SCHIP1: variants seen among roughly 807,000 people sequenced by gnomAD.
SCHIP1 encodes the protein schwannomin interacting protein 1, also known as schwannomin-interacting protein 1.
In SCHIP1, 8 loss-of-function variants were observed where a neutral mutation model predicts 29.7. That is an observed-to-expected ratio of 0.27 (90% CI 0.16 to 0.49). The LOEUF (loss-of-function observed/expected upper bound fraction) is 0.49. Ranked by LOEUF, SCHIP1 falls within the 20% of genes least tolerant of loss-of-function variation. The pLI, the probability that SCHIP1 is intolerant of heterozygous loss-of-function variation, is 0.99. For missense variants in SCHIP1, 193 were observed against 294.6 expected, an observed-to-expected ratio of 0.66 and a Z score of 2.52; for synonymous variants, 76 against 94.9, an observed-to-expected ratio of 0.80 and a Z score of 1.16.
chr3:159,318,061 CT>C, the SCHIP1 span, among the ~76,000 whole-genome samples: 3 of 152,162 alleles, frequency 2.0e-5, no homozygotes, highest in Non-Finnish European at 4.4e-5. Context: ...GAAGTCCATG[CT>C]GCTGAGCCCA....
chr3:159,349,404 G>A, the SCHIP1 span, among the ~76,000 whole-genome samples: 1 of 152,132 alleles, frequency 6.6e-6, no homozygotes, highest in Non-Finnish European at 1.5e-5. Flanking sequence ...ATTTGAATTT[G>A]GCTCTGCCTC....
At chr3:159,431,714 C>A in the SCHIP1 span, among the ~76,000 whole-genome samples, 1 of 150,086 alleles carries the variant, frequency 6.7e-6, no homozygotes, top group African/African-American at 2.5e-5. Flanking sequence ...GAGGCTGAGA[C>A]AACAGAATCA....
At chr3:159,316,310 A>C in the SCHIP1 span, among the ~76,000 whole-genome samples, 979 of 152,282 alleles carry the variant, frequency 6.4e-3, 3 homozygotes, top group African/African-American at 0.022. Flanking sequence ...AAACTGAAGA[A>C]CTTGGAGTTT....
chr3:159,399,408 G>A, the SCHIP1 span, among the ~76,000 whole-genome samples: 1 of 152,120 alleles, frequency 6.6e-6, no homozygotes, highest in African/African-American at 2.4e-5. Context: ...AGGTCCATAT[G>A]GGCAAGGATC....
the SCHIP1 span, among the ~76,000 whole-genome samples, chr3:159,788,988 C>T: frequency 6.6e-6 from 1 of 152,066 alleles, no homozygotes; most frequent in African/African-American, 2.4e-5. Flanking sequence ...ATTAGGGATG[C>T]CTCACCAGTA....
chr3:159,480,444 T>C, the SCHIP1 span, among the ~76,000 whole-genome samples: 35 of 152,274 alleles, frequency 2.3e-4, no homozygotes, highest in African/African-American at 8.2e-4. Context: ...TCTAGGTTGA[T>C]GTCAATTTGA....
chr3:159,297,276 C>T, the SCHIP1 span, among the ~76,000 whole-genome samples: 1 of 152,154 alleles, frequency 6.6e-6, no homozygotes, highest in African/African-American at 2.4e-5. Context: ...GCAGATACCT[C>T]TTTGACACAC....
At chr3:159,785,687 A>G in the SCHIP1 span, among the ~76,000 whole-genome samples, 15 of 151,934 alleles carry the variant, frequency 9.9e-5, no homozygotes, top group Non-Finnish European at 5.9e-5. Context: ...TGAAACAAGT[A>G]ATTCTTTAAA....
At chr3:159,591,890 C>T in the SCHIP1 span, among the ~76,000 whole-genome samples, 3 of 150,588 alleles carry the variant, frequency 2.0e-5, no homozygotes, top group African/African-American at 7.3e-5. Flanking sequence ...ACCTGTGTAA[C>T]AAACTTGCAC....
chr3:159,626,503 GCTCT>G, the SCHIP1 span, among the ~76,000 whole-genome samples: 2 of 151,750 alleles, frequency 1.3e-5, no homozygotes, highest in South Asian at 2.1e-4. Flanking sequence ...TATACTAGTG[GCTCT>G]CTATCAGTGG....
At chr3:159,326,279 T>C in the SCHIP1 span, among the ~76,000 whole-genome samples, 1 of 152,184 alleles carries the variant, frequency 6.6e-6, no homozygotes, top group Non-Finnish European at 1.5e-5. Flanking sequence ...TTCAGAGGTA[T>C]AGTAAGTTAA....
At chr3:159,828,400 T>TAC in the SCHIP1 span, among the ~76,000 whole-genome samples, 1 of 50,032 alleles carries the variant, frequency 2.0e-5, no homozygotes, top group African/African-American at 9.3e-5. Flanking sequence ...TATATACGTA[T>TAC]ATATATACGT....
At chr3:159,297,749 AC>A in the SCHIP1 span, among the ~76,000 whole-genome samples, 1 of 152,160 alleles carries the variant, frequency 6.6e-6, no homozygotes, top group Non-Finnish European at 1.5e-5. Flanking sequence ...ACTTAGGGTC[AC>A]CCTGAGGTCT....
the SCHIP1 span, among the ~76,000 whole-genome samples, chr3:159,789,294 C>T: frequency 6.6e-6 from 1 of 152,182 alleles, no homozygotes; most frequent in African/African-American, 2.4e-5. Flanking sequence ...GGGGACCTCT[C>T]TTTTCTCTTA....
the SCHIP1 span, among the ~76,000 whole-genome samples, chr3:159,278,552 T>C: frequency 8.1e-3 from 1,238 of 152,338 alleles, 13 homozygotes; most frequent in African/African-American, 0.029. Context: ...ATGAGCTTTT[T>C]TGCTCTTTCG....
the SCHIP1 span, among the ~76,000 whole-genome samples, chr3:159,640,200 A>T: frequency 6.6e-6 from 1 of 152,184 alleles, no homozygotes; most frequent in Non-Finnish European, 1.5e-5. Flanking sequence ...AACAACAAAA[A>T]GTCTGTTTGT....
the SCHIP1 span, among the ~76,000 whole-genome samples, chr3:159,336,330 C>G: frequency 2.0e-5 from 3 of 152,130 alleles, no homozygotes; most frequent in African/African-American, 4.8e-5. Flanking sequence ...TTTTGCTGTG[C>G]AGAAGCTCTT....
At chr3:159,661,839 C>T in the SCHIP1 span, among the ~76,000 whole-genome samples, 1 of 152,164 alleles carries the variant, frequency 6.6e-6, no homozygotes, top group African/African-American at 2.4e-5. Flanking sequence ...CCTTGCCCTC[C>T]AGGACTTTGG....
At chr3:159,427,102 T>G in the SCHIP1 span, among the ~76,000 whole-genome samples, 2 of 152,182 alleles carry the variant, frequency 1.3e-5, no homozygotes, top group Admixed American at 1.3e-4. Flanking sequence ...AAAACTGGAA[T>G]GGGCAAAAAC....
Sources: gnomAD v4.1 joint callset for allele counts (sites outside exome capture counted in the v4.1 genomes callset) on GRCh38, gnomAD v4.1.1 for gene constraint, MANE v1.5 for transcripts, NCBI Gene and HGNC (gene_info 2026-07-23, HGNC 2026-07-21) for gene names.